Variants in LAMA4 observed in about 807,000 individuals in gnomAD.
LAMA4 encodes the protein laminin subunit alpha-4.
LAMA4 carries 127 observed loss-of-function variants against 207.1 expected under a neutral mutation model. The observed-to-expected ratio is 0.61, with a 90% CI of 0.53 to 0.71. LAMA4 has a LOEUF of 0.71. LAMA4 is among the 30% of genes least tolerant of loss of function. The pLI is 0.00. For synonymous variants in LAMA4, 761 were observed against 816.0 expected (o/e 0.93, Z 1.15); for missense variants, 2,093 against 2,246.5 (o/e 0.93, Z 1.38).
chr6:112,250,687 C>G (rs1554189605), intron 2 of LAMA4, among the ~76,000 whole-genome samples: 1 of 152,214 alleles, frequency 6.6e-6, no homozygotes, highest in Non-Finnish European at 1.5e-5. Context: ...CTTGCCTTCT[C>G]AGTTTCTCAG....
intron 3 of LAMA4, among the ~76,000 whole-genome samples, chr6:112,207,518 A>AAACC (rs112175330): frequency 6.4e-4 from 97 of 152,058 alleles, no homozygotes; most frequent in African/African-American, 2.0e-3. Context: ...ATGAAATGAG[A>AAACC]AACCAACCAA....
chr6:112,147,153 A>G, intron 18 of LAMA4, among the ~76,000 whole-genome samples: 1 of 152,338 alleles, frequency 6.6e-6, no homozygotes, highest in East Asian at 1.9e-4. Context: ...TAAGACTGGT[A>G]AAAAATGGGA....
At chr6:112,190,909 TTCTTTCTTTCTTTCTTTC>T (rs1783005316) in intron 6 of LAMA4, among the ~76,000 whole-genome samples, 1 of 93,860 alleles carries the variant, frequency 1.1e-5, no homozygotes. Context: ...CTTTCTTTCT[TTCTTTCTTTCTTTCTTTC>T]TTTCTTTCTT....
intron 2 of LAMA4, among the ~76,000 whole-genome samples, chr6:112,220,126 A>G (rs2115076884): frequency 6.6e-6 from 1 of 152,330 alleles, no homozygotes; most frequent in East Asian, 1.9e-4. Context: ...CATAGTTATT[A>G]ATATATGAAA....
chr6:112,196,690 C>T (rs187307827), intron 5 of LAMA4: 67 of 152,282 alleles, frequency 4.4e-4, no homozygotes, highest in African/African-American at 1.6e-3. Flanking sequence ...TCAGTCAACT[C>T]TGGGTCACCC....
intron 6 of LAMA4, among the ~76,000 whole-genome samples, chr6:112,190,935 C>CTTTTCTTTCT: frequency 1.7e-5 from 1 of 59,344 alleles, no homozygotes; most frequent in South Asian, 6.3e-4. Context: ...TTCTTTCTTT[C>CTTTTCTTTCT]TTTCTTTCTT....
At chr6:112,146,453 C>A (rs1780035721) in intron 18 of LAMA4, among the ~76,000 whole-genome samples, 1 of 152,202 alleles carries the variant, frequency 6.6e-6, no homozygotes, top group South Asian at 2.1e-4. Context: ...GTCAGAAATG[C>A]AAGTTCTTGG....
chr6:112,148,483 C>T, intron 17 of LAMA4, 147 bp from the exon 18 acceptor site: 2 of 728,448 alleles, frequency 2.7e-6, no homozygotes, highest in East Asian at 2.7e-5. Context: ...CCATGTGGCT[C>T]ACCGAAAACA....
At chr6:112,159,731 G>C (rs184262614) in intron 13 of LAMA4, among the ~76,000 whole-genome samples, 200 of 152,276 alleles carry the variant, frequency 1.3e-3, no homozygotes, top group Non-Finnish European at 1.9e-3. Flanking sequence ...CACTTCTGAT[G>C]TCTCCTTTAT....
chr6:112,197,495 G>A (rs1783490036), intron 5 of LAMA4, among the ~76,000 whole-genome samples: 1 of 152,168 alleles, frequency 6.6e-6, no homozygotes, highest in East Asian at 1.9e-4. Context: ...TCCAGTGTTA[G>A]CTTAAATTAT....
intron 13 of LAMA4, chr6:112,162,107 G>A (rs1195818468): frequency 3.9e-5 from 6 of 152,240 alleles, no homozygotes; most frequent in Non-Finnish European, 5.9e-5. Context: ...AGGCTCTGGT[G>A]GCAATTTAAA....
intron 5 of LAMA4, among the ~76,000 whole-genome samples, chr6:112,200,938 G>C (rs528218547): frequency 6.6e-6 from 1 of 152,030 alleles, no homozygotes; most frequent in South Asian, 2.1e-4. Flanking sequence ...TGTGGATGAC[G>C]GGTTGATGGG....
In LAMA4 at chr6:112,148,347, A is replaced by G; in HGVS notation, c.2174-11T>C. ...GCTGCTGGGCATCCCCTTTACACAG[A>G]GCACAGGGTCATTCACTTTGCAGAG... On this transcript the variant is annotated splice_polypyrimidine_tract_variant and intron_variant, in intron 17 of 38. Coordinates refer to ENST00000230538, the MANE Select transcript of LAMA4 (RefSeq NM_001105206.3). The G allele has an allele frequency of 6.2e-7, 1 of 1,614,026 alleles. No individual in the cohort carries two copies. The highest frequency in any genetic ancestry group is 8.5e-7 in the Non-Finnish European group (1 of 1,179,938).
chr6:112,193,712 C>T (rs1783251178), intron 5 of LAMA4, among the ~76,000 whole-genome samples: 1 of 152,134 alleles, frequency 6.6e-6, no homozygotes, highest in East Asian at 1.9e-4. Flanking sequence ...TTCTGGGAGG[C>T]TACTTCAGTT....
intron 22 of LAMA4, 33 bp from the exon 23 acceptor site, chr6:112,139,918 C>T (rs782549164): frequency 1.6e-5 from 26 of 1,611,000 alleles, no homozygotes; most frequent in Middle Eastern, 1.7e-4. Flanking sequence ...CCACTTGTCT[C>T]ATGGTCATAT....
At chr6:112,178,556 A>C in intron 9 of LAMA4, 1 of 331,466 alleles carries the variant, frequency 3.0e-6, no homozygotes, top group South Asian at 2.7e-5. Context: ...CCATATTTGT[A>C]GTCTTTTATC....
At chr6:112,205,935 G>T (rs73542519) in intron 4 of LAMA4, among the ~76,000 whole-genome samples, 8,373 of 152,254 alleles carry the variant, frequency 0.055, 733 homozygotes, top group African/African-American at 0.19. Flanking sequence ...GGGGCTTCCG[G>T]TTGGTGACAC....
At chr6:112,254,949 C>T (rs1787758183), upstream of LAMA4, 1 of 152,232 alleles carries the variant, frequency 6.6e-6, no homozygotes, top group Admixed American at 6.5e-5. Context: ...CTGTTGCACT[C>T]TTTGTGCTAA....
In LAMA4 at chr6:112,120,347, T is replaced by A; in HGVS notation, c.4601A>T (p.Asn1534Ile). The A allele has an allele frequency of 6.2e-7, 1 of 1,614,064 alleles. No individual in the cohort carries two copies. The highest frequency in any genetic ancestry group is 8.5e-7 in the Non-Finnish European group (1 of 1,179,984). Residue 1534 changes from asparagine (N) to isoleucine (I), a missense_variant, in exon 33 of 39, where the codon AAT becomes ATT. Transcript: ENST00000230538. ...AATCTTCAGTTTTTTGTGACCAACA[T>A]TAAACATGTAAACCAAGCGGCCATG... ...LAHGRLVYMF[N>I]VGHKKLKIRS...
Sources: gnomAD v4.1 joint callset for allele counts (sites outside exome capture counted in the v4.1 genomes callset) on GRCh38, gnomAD v4.1.1 for gene constraint, MANE v1.5 for transcripts, NCBI Gene and HGNC (gene_info 2026-07-23, HGNC 2026-07-21) for gene names.